Variants in WDFY2 observed in about 807,000 individuals in gnomAD.
The protein encoded by WDFY2 is WD repeat and FYVE domain-containing protein 2.
A neutral mutation model predicts 56.4 loss-of-function variants in WDFY2; 36 were observed. The observed-to-expected ratio is 0.64, with a 90% CI of 0.49 to 0.84. WDFY2 has a LOEUF of 0.84. Ranked by LOEUF, WDFY2 falls within the 40% of genes least tolerant of loss-of-function variation. The probability of loss-of-function intolerance (pLI) is 0.00; values close to 1 mark genes in which losing one functional copy is unlikely to be tolerated. For missense variants in WDFY2, 444 were observed against 512.2 expected, an observed-to-expected ratio of 0.87 and a Z score of 1.29; for synonymous variants, 176 against 183.7, an observed-to-expected ratio of 0.96 and a Z score of 0.34.
intron 1 of WDFY2, among the ~76,000 whole-genome samples, chr13:51,656,699 T>G (rs997301005): frequency 6.6e-6 from 1 of 152,078 alleles, no homozygotes; most frequent in Non-Finnish European, 1.5e-5. Context: ...AATTATTATT[T>G]TTTTGATGAA....
rs765025291 is a variant in WDFY2, at chr13:51,758,311, A to G, written c.1173+11A>G. 1.3e-6 allele frequency: 2 copies of G among 1,564,720 alleles called. No individual in the cohort carries two copies. Among genetic ancestry groups the G allele is most frequent in the Non-Finnish European group, 1.8e-6 (2 of 1,140,816 alleles). ...GACAAGGTTATTAAGGTAAGATGCC[A>G]TCTTATTAAGAAGCTTTCCATCTTT... On this transcript the variant is annotated intron_variant, in intron 11 of 11. Transcript: ENST00000298125.
At chr13:51,733,887 TC>T (rs1204769709) in intron 6 of WDFY2, among the ~76,000 whole-genome samples, 1 of 152,006 alleles carries the variant, frequency 6.6e-6, no homozygotes, top group African/African-American at 2.4e-5. Context: ...ACTGAACACT[TC>T]CCTGGGGTGG....
At chr13:51,743,444 A>T (rs1004781106) in intron 7 of WDFY2, among the ~76,000 whole-genome samples, 1 of 152,224 alleles carries the variant, frequency 6.6e-6, no homozygotes, top group Non-Finnish European at 1.5e-5. Flanking sequence ...TTGTCAAAAA[A>T]ATATAAATGA....
At chr13:51,708,932 G>A (rs573652684) in intron 4 of WDFY2, among the ~76,000 whole-genome samples, 1 of 152,266 alleles carries the variant, frequency 6.6e-6, no homozygotes, top group South Asian at 2.1e-4. Flanking sequence ...GTATCATGAG[G>A]GCCAGTCTGC....
intron 7 of WDFY2, among the ~76,000 whole-genome samples, chr13:51,745,322 A>G (rs1024279669): frequency 3.3e-5 from 5 of 152,228 alleles, no homozygotes; most frequent in Non-Finnish European, 7.3e-5. Context: ...GGCATTAATT[A>G]ATAATTAATT....
At chr13:51,601,233 A>G (rs1318309192) in intron 1 of WDFY2, among the ~76,000 whole-genome samples, 2 of 152,200 alleles carry the variant, frequency 1.3e-5, no homozygotes, top group East Asian at 1.9e-4. Flanking sequence ...TAGACTGCCA[A>G]GCATATATGG....
chr13:51,739,648 A>T (rs950109805), intron 7 of WDFY2, among the ~76,000 whole-genome samples: 4 of 152,218 alleles, frequency 2.6e-5, no homozygotes, highest in African/African-American at 9.6e-5. Flanking sequence ...GCCTTGATTC[A>T]TGTCAGGCTC....
At position 51,607,213 on chromosome 13, in the gene WDFY2, A is replaced by G. The variant is rs538855775; in HGVS notation, c.137+22389A>G. ...TCAGGGTTAGTGACTTAAAACAACA[A>G]TCATAATTTGTGCAAAGTCCAGTGA... On this transcript the variant is annotated intron_variant, in intron 1 of 11. Transcript: ENST00000298125. 9.8e-5 allele frequency among the ~76,000 whole-genome samples: 15 copies of G among 152,332 alleles called. No individual in the cohort carries two copies. In the South Asian group the frequency reaches 3.1e-3, roughly 32 times the overall value.
chr13:51,691,186 A>G (rs1956148433), intron 3 of WDFY2, among the ~76,000 whole-genome samples: 1 of 151,956 alleles, frequency 6.6e-6, no homozygotes, highest in African/African-American at 2.4e-5. Context: ...GCTGTGCAGA[A>G]GCTCTTTAGT....
At chr13:51,718,559 TACACACACACACACACACAC>T (rs71192015) in intron 4 of WDFY2, among the ~76,000 whole-genome samples, 3 of 138,682 alleles carry the variant, frequency 2.2e-5, no homozygotes, top group East Asian at 2.2e-4. Flanking sequence ...TTATCATTCA[TACACACACACACACACACAC>T]ACACACACAC....
chr13:51,745,001 C>T (rs1341188818), intron 7 of WDFY2, among the ~76,000 whole-genome samples: 8 of 152,214 alleles, frequency 5.3e-5, no homozygotes, highest in Admixed American at 2.0e-4. Context: ...GGAATATTAA[C>T]AGCACTGGAG....
At chr13:51,635,976 A>G (rs1955041056) in intron 1 of WDFY2, among the ~76,000 whole-genome samples, 1 of 152,202 alleles carries the variant, frequency 6.6e-6, no homozygotes, top group Admixed American at 6.5e-5. Context: ...CAGATATGGA[A>G]GCACCTACAT....
Position 51,719,271 on chromosome 13 carries a change from G to A in WDFY2, c.408G>A (p.Lys136=). Residue 136 remains lysine, a synonymous_variant, in exon 5 of 12, where the codon AAG becomes AAA. Coordinates refer to ENST00000298125, the MANE Select transcript of WDFY2 (RefSeq NM_052950.4). ...LEWVLSTGQD[K]QFAWHCSESG... ...GGGTGCTGAGCACAGGACAGGACAAGCAATTTGCCTGGCACTGCTCTGAGA... is the reference window on the plus strand; with the variant it reads ...GGGTGCTGAGCACAGGACAGGACAAACAATTTGCCTGGCACTGCTCTGAGA... 6.2e-7 allele frequency: 1 copy of A among 1,614,224 alleles called. No individual in the cohort carries two copies. Among genetic ancestry groups the A allele is most frequent in the Non-Finnish European group, 8.5e-7 (1 of 1,180,036 alleles).
intron 1 of WDFY2, among the ~76,000 whole-genome samples, chr13:51,601,604 G>C (rs1032621997): frequency 2.0e-5 from 3 of 152,108 alleles, no homozygotes; most frequent in African/African-American, 7.2e-5. Context: ...TAGTACAGAC[G>C]GGGGTTTTAC....
chr13:51,593,084 A>C (rs1358637241), intron 1 of WDFY2, among the ~76,000 whole-genome samples: 1 of 152,268 alleles, frequency 6.6e-6, no homozygotes. Flanking sequence ...GTTTTCAAAA[A>C]TATGATTGTA....
intron 3 of WDFY2, among the ~76,000 whole-genome samples, chr13:51,675,958 T>C (rs1566108232): frequency 6.6e-6 from 1 of 152,240 alleles, no homozygotes; most frequent in Non-Finnish European, 1.5e-5. Context: ...TGGTAAATTA[T>C]CCAGCGTTGC....
At position 51,739,092 on chromosome 13, in the gene WDFY2, G is replaced by T. The variant is rs1273904045; in HGVS notation, c.642G>T (p.Leu214Phe). Residue 214 changes from leucine to phenylalanine, a missense_variant, in exon 7 of 12, where the codon TTG (leucine) becomes TTT (phenylalanine). By Grantham distance (22) the Leu-to-Phe change is conservative. Coordinates refer to ENST00000298125, the MANE Select transcript of WDFY2 (RefSeq NM_052950.4). ...ALCWDPVQRV[L>F]FSGSSDHSVI... ...GTTGGGACCCAGTCCAGCGGGTGTTGTTCTCAGGCAGTTCAGATCACTCTG... is the reference window on the plus strand; with the variant it reads ...GTTGGGACCCAGTCCAGCGGGTGTTTTTCTCAGGCAGTTCAGATCACTCTG... The T allele has an allele frequency of 6.2e-7, 1 of 1,603,346 alleles. No homozygotes were observed. Among genetic ancestry groups the T allele is most frequent in the African/African-American group, 1.3e-5 (1 of 74,624 alleles).
chr13:51,658,484 A>G (rs1955553293), intron 1 of WDFY2, among the ~76,000 whole-genome samples: 1 of 152,216 alleles, frequency 6.6e-6, no homozygotes, highest in Non-Finnish European at 1.5e-5. Context: ...AAGGAACATG[A>G]GCCGCAATCT....
intron 1 of WDFY2, among the ~76,000 whole-genome samples, chr13:51,619,330 G>A (rs1256287014): frequency 6.6e-6 from 1 of 151,914 alleles, no homozygotes; most frequent in East Asian, 1.9e-4. Context: ...TGGGCATGGT[G>A]GTGCACGCCT....
Sources: gnomAD v4.1 joint callset for allele counts (sites outside exome capture counted in the v4.1 genomes callset) on GRCh38, gnomAD v4.1.1 for gene constraint, MANE v1.5 for transcripts, NCBI Gene and HGNC (gene_info 2026-07-23, HGNC 2026-07-21) for gene names.